Variants in ADIPOQ observed in about 807,000 individuals in gnomAD.
ADIPOQ encodes adiponectin.
In ADIPOQ, 19 loss-of-function variants were observed where a neutral mutation model predicts 16.1. The observed-to-expected ratio is 1.18, with a 90% CI of 0.82 to 1.73. The LOEUF is 1.73. Ranked by LOEUF, ADIPOQ falls within the 40% of genes most tolerant of loss-of-function variation. ADIPOQ has a pLI of 0.00. For missense variants in ADIPOQ, 323 were observed against 308.3 expected, an observed-to-expected ratio of 1.05 and a Z score of -0.36; for synonymous variants, 124 against 125.5, an observed-to-expected ratio of 0.99 and a Z score of 0.08.
At position 186,843,181 on chromosome 3, in the gene ADIPOQ, C is replaced by G. The variant is rs192293591; in HGVS notation, c.-9+432C>G. On this transcript the variant is annotated intron_variant, in intron 1 of 2. Coordinates refer to ENST00000320741, the MANE Select transcript of ADIPOQ (RefSeq NM_004797.4). ...AGCTTCAGAAAAGTCAAGCTGAGCACTGACTTCAGACTGGAATTAGGAATC... is the reference window on the plus strand; with the variant it reads ...AGCTTCAGAAAAGTCAAGCTGAGCAGTGACTTCAGACTGGAATTAGGAATC... Among the ~76,000 whole-genome samples, 103 of 152,308 alleles carry G rather than the reference C, an allele frequency of 6.8e-4. 1 individual carries two copies. Among genetic ancestry groups the G allele is most frequent in the African/African-American group, 2.3e-3 (96 of 41,558 alleles).
At chr3:186,846,201 A>T (rs1366370827) in intron 1 of ADIPOQ, among the ~76,000 whole-genome samples, 2 of 151,510 alleles carry the variant, frequency 1.3e-5, no homozygotes, top group African/African-American at 2.4e-5. Context: ...GGCAGGGGTG[A>T]GGTGATTTCT....
At chr3:186,847,836 AG>A in intron 1 of ADIPOQ, among the ~76,000 whole-genome samples, 1 of 152,238 alleles carries the variant, frequency 6.6e-6, no homozygotes, top group Non-Finnish European at 1.5e-5. Flanking sequence ...TTTAGATCAT[AG>A]TACTCACTAT....
At chr3:186,854,058 A>G (rs1242998107) in intron 2 of ADIPOQ, 126 bp from the exon 3 acceptor site, 2 of 1,000,766 alleles carry the variant, frequency 2.0e-6, no homozygotes, top group African/African-American at 1.6e-5. Flanking sequence ...GGGAGCTCTT[A>G]TTGGTTTCTT....
rs1448787574 is a variant in ADIPOQ, at chr3:186,855,340, C to T, written c.*636C>T. The T allele has an allele frequency of 1.3e-5, 2 of 154,686 alleles. No homozygotes were observed. Among genetic ancestry groups the T allele is most frequent in the African/African-American group, 4.8e-5 (2 of 41,450 alleles). 9.6% of individuals were successfully genotyped at this position (154,686 alleles called of 1,614,324 possible). ...CCCTGCACTACTCTACTTCCTCTTACCTATGTCCCTTCTCATGCCTTTCCC... is the reference window on the plus strand; with the variant it reads ...CCCTGCACTACTCTACTTCCTCTTATCTATGTCCCTTCTCATGCCTTTCCC... On this transcript the variant is annotated 3_prime_UTR_variant, in exon 3 of 3. Transcript: ENST00000320741.
rs200544481 is a variant in ADIPOQ at position 186,853,050 on chromosome 3, G to T, written c.-8-1G>T. 6.2e-7 allele frequency: 1 copy of T among 1,614,210 alleles called. No homozygotes were observed. The highest frequency in any genetic ancestry group is 1.1e-5 in the South Asian group (1 of 91,068). On this transcript the variant is annotated splice_acceptor_variant, in intron 1 of 2. Transcript: ENST00000320741. LOFTEE classifies it low-confidence loss of function (5UTR_SPLICE). ...GCTGACAGTGCACATGTGGATTCCA[G>T]GGCTCAGGATGCTGTTGCTGGGAGC...
intron 1 of ADIPOQ, among the ~76,000 whole-genome samples, chr3:186,849,018 C>A (rs822395): frequency 0.65 from 99,010 of 151,928 alleles, 32,601 homozygotes; most frequent in East Asian, 0.87. Context: ...GTGGAGAAAT[C>A]TGTCCATAAT....
At chr3:186,848,544 C>T (rs997953023) in intron 1 of ADIPOQ, among the ~76,000 whole-genome samples, 3 of 152,138 alleles carry the variant, frequency 2.0e-5, no homozygotes, top group African/African-American at 7.2e-5. Flanking sequence ...ACTCAGCTTC[C>T]TAATCCGCTA....
rs1343525404 is a variant in ADIPOQ, at chr3:186,858,370, C to T, written c.*3666C>T. 1 of 141,320 alleles carries T rather than the reference C, an allele frequency of 7.1e-6. No individual in the cohort carries two copies. The highest frequency in any genetic ancestry group is 2.0e-4 in the East Asian group (1 of 4,966). The allele number at this position is 141,320 out of a possible 1,614,324, so 8.8% of individuals were successfully genotyped here. On this transcript the variant is annotated 3_prime_UTR_variant, in exon 3 of 3. Coordinates refer to ENST00000320741, the MANE Select transcript of ADIPOQ (RefSeq NM_004797.4). ...TTTAAAATGTGTTTCTTACAGACTG[C>T]ATGTAGTTGGGTATAATTTTTATCC...
Position 186,853,266 on chromosome 3 carries a change from G to A in ADIPOQ, c.208G>A (p.Asp70Asn). ...CCCTGGTGAGAAGGGTGAGAAAGGA[G>A]ATCCAGGTAAGAATGTTTCTGGCCT... ...GTPGEKGEKG[D>N]PGLIGPKGDI... is the part of the protein sequence containing the mutation. The change falls in exon 2 of 3, where the codon GAT (aspartate) becomes AAT (asparagine). Residue 70 changes from aspartate to asparagine, a missense_variant. Coordinates refer to ENST00000320741, the MANE Select transcript of ADIPOQ (RefSeq NM_004797.4). 3 of 1,597,978 alleles carry A rather than the reference G, an allele frequency of 1.9e-6. No homozygotes were observed.
In ADIPOQ at chr3:186,854,765, A is replaced by G. The variant is rs1250261437; in HGVS notation, c.*61A>G. On this transcript the variant is annotated 3_prime_UTR_variant, in exon 3 of 3. Coordinates refer to ENST00000320741, the MANE Select transcript of ADIPOQ (RefSeq NM_004797.4). Reference sequence around the variant, plus strand: ...GCCCCAAAGTCAATTAAAGGCTTTCAGTACGGTTAGGAAGTTGATTATTAT... The same window carrying G: ...GCCCCAAAGTCAATTAAAGGCTTTCGGTACGGTTAGGAAGTTGATTATTAT... The G allele has an allele frequency of 1.7e-5, 27 of 1,583,906 alleles. No individual in the cohort carries two copies. The highest frequency in any genetic ancestry group is 1.9e-5 in the Non-Finnish European group (22 of 1,155,370).
rs202187878 is a variant in ADIPOQ, at chr3:186,853,211, G to A, written c.153G>A (p.Gly51=). 3.4e-4 allele frequency: 549 copies of A among 1,613,786 alleles called. No individual in the cohort carries two copies. Among genetic ancestry groups the A allele is most frequent in the Non-Finnish European group, 4.5e-4 (531 of 1,179,938 alleles). Residue 51 remains glycine, a synonymous_variant, in exon 2 of 3, where the codon GGG becomes GGA. Coordinates refer to ENST00000320741, the MANE Select transcript of ADIPOQ (RefSeq NM_004797.4). The stretch of plus-strand genomic sequence containing the variant: ...TCCCAGGGCATCCGGGCCATAATGG[G>A]GCCCCAGGCCGTGATGGCAGAGATG... ...AGIPGHPGHN[G]APGRDGRDGT...
chr3:186,852,329 C>G (rs1298271100), intron 1 of ADIPOQ: 1 of 152,444 alleles, frequency 6.6e-6, no homozygotes, highest in Non-Finnish European at 1.5e-5. Context: ...GTCCTGAAAG[C>G]TGAATAGAGA....
rs1451052797 is a variant in ADIPOQ at position 186,857,168 on chromosome 3, G to A, written c.*2464G>A. 6.6e-6 allele frequency: 1 copy of A among 152,192 alleles called. No individual in the cohort carries two copies. The highest frequency in any genetic ancestry group is 1.9e-4 in the East Asian group (1 of 5,190). The allele number at this position is 152,192 out of a possible 1,614,324, so 9.4% of individuals were successfully genotyped here. On this transcript the variant is annotated 3_prime_UTR_variant, in exon 3 of 3. Coordinates refer to ENST00000320741, the MANE Select transcript of ADIPOQ (RefSeq NM_004797.4). Reference sequence around the variant, plus strand: ...AGAGAGGAAGCTCTCTTTCCCAGATGCCCCAGCAAGTGTAACCTTGCATCT... The same window carrying A: ...AGAGAGGAAGCTCTCTTTCCCAGATACCCCAGCAAGTGTAACCTTGCATCT...
In ADIPOQ at chr3:186,854,661, A is replaced by G; in HGVS notation, c.692A>G (p.Asp231Gly). Reference sequence around the variant, plus strand: ...GGACTCTATGCTGATAATGACAATGACTCCACCTTCACAGGCTTTCTTCTC... The same window carrying G: ...GGACTCTATGCTGATAATGACAATGGCTCCACCTTCACAGGCTTTCTTCTC... Reference protein sequence around the residue: ...RNGLYADNDNDSTFTGFLLYH... With the variant: ...RNGLYADNDNGSTFTGFLLYH... The change falls in exon 3 of 3, where the codon GAC (aspartate) becomes GGC (glycine). Residue 231 changes from aspartate (D) to glycine (G), a missense_variant. Coordinates refer to ENST00000320741, the MANE Select transcript of ADIPOQ (RefSeq NM_004797.4). The G allele has an allele frequency of 6.2e-7, 1 of 1,613,532 alleles. No homozygotes were observed. The highest frequency in any genetic ancestry group is 1.1e-5 in the South Asian group (1 of 91,052).
At chr3:186,850,228 C>A (rs564179654) in intron 1 of ADIPOQ, among the ~76,000 whole-genome samples, 1 of 146,304 alleles carries the variant, frequency 6.8e-6, no homozygotes, top group East Asian at 2.0e-4. Context: ...CGAGATTGTG[C>A]CACTGCACTA....
intron 1 of ADIPOQ, among the ~76,000 whole-genome samples, chr3:186,849,837 C>A (rs921858010): frequency 3.3e-5 from 5 of 151,962 alleles, no homozygotes; most frequent in Non-Finnish European, 5.9e-5. Context: ...ATTTGAGTAC[C>A]TTAGGTCACA....
At chr3:186,849,460 TTCTTA>T (rs1711675461) in intron 1 of ADIPOQ, among the ~76,000 whole-genome samples, 1 of 152,242 alleles carries the variant, frequency 6.6e-6, no homozygotes, top group African/African-American at 2.4e-5. Context: ...CACCTCTTTT[TTCTTA>T]TCTTGAGACT....
chr3:186,850,820 C>G (rs1409260783), intron 1 of ADIPOQ, among the ~76,000 whole-genome samples: 1 of 151,838 alleles, frequency 6.6e-6, no homozygotes, highest in East Asian at 1.9e-4. Flanking sequence ...TAAAAATAAA[C>G]AGAGACATTC....
chr3:186,855,101 C>A lies in ADIPOQ; in HGVS notation c.*397C>A. Reference sequence around the variant, plus strand: ...AGTATTAAGTGACAGTGCTAGAAATCAAACCCAGAGCTGTGGACTTTGTTC... The same window carrying A: ...AGTATTAAGTGACAGTGCTAGAAATAAAACCCAGAGCTGTGGACTTTGTTC... On this transcript the variant is annotated 3_prime_UTR_variant, in exon 3 of 3. Transcript: ENST00000320741. 3.4e-6 allele frequency: 1 copy of A among 292,548 alleles called. No homozygotes were observed. Among genetic ancestry groups the A allele is most frequent in the South Asian group, 3.4e-5 (1 of 29,344 alleles). The allele number at this position is 292,548 out of a possible 1,614,324, so 18.1% of individuals were successfully genotyped here.
Sources: allele counts gnomAD v4.1 joint callset (sites outside exome capture counted in the v4.1 genomes callset), GRCh38; gene constraint gnomAD v4.1.1; transcripts MANE v1.5; gene names NCBI Gene and HGNC (gene_info 2026-07-23, HGNC 2026-07-21).